AFF3: variants seen among roughly 807,000 people sequenced by gnomAD.
AFF3 encodes AF4/FMR2 family member 3.
A neutral mutation model predicts 129.7 loss-of-function variants in AFF3; 32 were observed. The observed-to-expected ratio is 0.25, with a 90% CI of 0.19 to 0.33. AFF3 has a LOEUF of 0.33. Among genes scored for constraint, AFF3 ranks in the 10% least tolerant of loss-of-function variants. AFF3 has a pLI of 1.00. For synonymous variants in AFF3, 644 were observed against 635.4 expected (o/e 1.01, Z -0.20); for missense variants, 1,373 against 1,592.0 (o/e 0.86, Z 2.34).
intron 10 of AFF3, among the ~76,000 whole-genome samples, chr2:99,741,410 T>A (rs1680709289): frequency 6.6e-6 from 1 of 152,106 alleles, no homozygotes; most frequent in South Asian, 2.1e-4. Flanking sequence ...TCACAAGCAT[T>A]CTTATACACC....
At chr2:99,838,862 C>T (rs1689095694) in intron 7 of AFF3, among the ~76,000 whole-genome samples, 1 of 152,238 alleles carries the variant, frequency 6.6e-6, no homozygotes, top group South Asian at 2.1e-4. Flanking sequence ...CCATCACACT[C>T]TCCATGCCCT....
chr2:99,933,661 C>T (rs1041102783), intron 7 of AFF3, among the ~76,000 whole-genome samples: 1 of 152,154 alleles, frequency 6.6e-6, no homozygotes. Context: ...CATGTCCCTG[C>T]AAAGGACATG....
chr2:99,828,254 ATGC>A (rs1286223021), intron 8 of AFF3, among the ~76,000 whole-genome samples: 1 of 152,210 alleles, frequency 6.6e-6, no homozygotes, highest in African/African-American at 2.4e-5. Context: ...CAAGTCAGTA[ATGC>A]TGGTGAACAT....
chr2:99,598,685 T>C lies in AFF3; in HGVS notation c.1371+2750A>G, dbSNP rs546535095. Among the ~76,000 whole-genome samples, 11 of 152,272 alleles carry C rather than the reference T, an allele frequency of 7.2e-5. 1 individual carries two copies. The South Asian group carries it at 2.3e-3, about 32-fold the overall frequency. ...TCTGCTTCAAAGCAGCACAAACTGGTCTGAGCAGCGGAATGTGAGGTGCAT... is the reference window on the plus strand; with the variant it reads ...TCTGCTTCAAAGCAGCACAAACTGGCCTGAGCAGCGGAATGTGAGGTGCAT... On this transcript the variant is annotated intron_variant, in intron 14 of 24. Transcript: ENST00000672756.
At chr2:100,112,738 G>A (rs191353508) in intron 2 of AFF3, among the ~76,000 whole-genome samples, 1 of 152,256 alleles carries the variant, frequency 6.6e-6, no homozygotes, top group African/African-American at 2.4e-5. Flanking sequence ...GTAGAAAGCA[G>A]GAGCCCAAGG....
chr2:99,994,197 T>C (rs916295982), intron 7 of AFF3, among the ~76,000 whole-genome samples: 14 of 152,134 alleles, frequency 9.2e-5, no homozygotes, highest in African/African-American at 3.4e-4. Flanking sequence ...AAATGCATAA[T>C]ACTGAGACAT....
At chr2:99,972,519 C>G (rs1324454124) in intron 7 of AFF3, among the ~76,000 whole-genome samples, 1 of 152,202 alleles carries the variant, frequency 6.6e-6, no homozygotes, top group African/African-American at 2.4e-5. Context: ...ATATTGCTTG[C>G]CTTTTCATCA....
At chr2:99,983,142 C>T (rs1267416092) in intron 7 of AFF3, among the ~76,000 whole-genome samples, 1 of 152,224 alleles carries the variant, frequency 6.6e-6, no homozygotes, top group Non-Finnish European at 1.5e-5. Context: ...TGAAATCTAA[C>T]TTCTGCTTAA....
rs145794363 is a variant in AFF3, at chr2:99,838,383, G to A, written c.874-859C>T. Among the ~76,000 whole-genome samples the A allele has an allele frequency of 4.5e-3, 685 of 152,272 alleles. 3 individuals carry two copies. Among genetic ancestry groups the A allele is most frequent in the African/African-American group, 0.016 (652 of 41,560 alleles). ...TCCTGGAATGAGGCTTTTCTCCACA[G>A]TCTCTTCTCCAAGGCCACTCTCCCT... is the stretch of plus-strand genomic sequence containing the variant. On this transcript the variant is annotated intron_variant, in intron 7 of 24. Coordinates refer to ENST00000672756, the MANE Select transcript of AFF3 (RefSeq NM_001386135.1).
chr2:99,952,132 G>A (rs1225007836), intron 7 of AFF3, among the ~76,000 whole-genome samples: 1 of 152,176 alleles, frequency 6.6e-6, no homozygotes, highest in Admixed American at 6.5e-5. Flanking sequence ...CAATGTTGGA[G>A]GTGGGGCCTG....
At chr2:99,991,096 C>G (rs1349106903) in intron 7 of AFF3, among the ~76,000 whole-genome samples, 3 of 152,146 alleles carry the variant, frequency 2.0e-5, no homozygotes, top group Non-Finnish European at 2.9e-5. Flanking sequence ...TGCTGCTCAC[C>G]TGCCCCTACC....
At chr2:99,692,949 C>T (rs1167754183) in intron 11 of AFF3, among the ~76,000 whole-genome samples, 1 of 152,260 alleles carries the variant, frequency 6.6e-6, no homozygotes, top group African/African-American at 2.4e-5. Flanking sequence ...TCTATCACAG[C>T]TCCTGTCACC....
Position 99,724,424 on chromosome 2 carries a change from C to T in AFF3, c.1091+2653G>A, listed in dbSNP as rs566421099. Among the ~76,000 whole-genome samples the T allele has an allele frequency of 5.0e-4, 76 of 151,948 alleles. No individual in the cohort carries two copies. The South Asian group carries it at 0.012, about 24-fold the overall frequency. On this transcript the variant is annotated intron_variant, in intron 11 of 24. Transcript: ENST00000672756. ...AGTAGCTGGGATTACAGGCGCATGC[C>T]ACCACACTCAGCTAATTTTTGTGTT...
At chr2:99,773,297 T>C (rs923707888) in intron 8 of AFF3, among the ~76,000 whole-genome samples, 1 of 152,222 alleles carries the variant, frequency 6.6e-6, no homozygotes, top group African/African-American at 2.4e-5. Context: ...AGCCAGGTGC[T>C]CATTAAAGAA....
intron 4 of AFF3, among the ~76,000 whole-genome samples, chr2:100,018,390 C>A (rs1683308192): frequency 6.6e-6 from 1 of 152,126 alleles, no homozygotes; most frequent in South Asian, 2.1e-4. Flanking sequence ...ATGACTGTTT[C>A]AAATCTCTCT....
chr2:99,944,963 T>C (rs1283467962), intron 7 of AFF3, among the ~76,000 whole-genome samples: 1 of 152,190 alleles, frequency 6.6e-6, no homozygotes, highest in African/African-American at 2.4e-5. Context: ...ACGTGAGTCT[T>C]TGAGTAGAAT....
At chr2:100,105,865 C>A (rs1359631349) in intron 2 of AFF3, 1 of 1,335,278 alleles carries the variant, frequency 7.5e-7, no homozygotes, top group African/African-American at 1.5e-5. Flanking sequence ...TGCCTCACCA[C>A]GCGAACCAAA....
intron 11 of AFF3, among the ~76,000 whole-genome samples, chr2:99,706,541 T>C (rs915488597): frequency 6.6e-6 from 1 of 152,188 alleles, no homozygotes; most frequent in African/African-American, 2.4e-5. Context: ...TAATGTAAAG[T>C]ATACAAAATT....
intron 4 of AFF3, among the ~76,000 whole-genome samples, chr2:100,033,391 C>G (rs1684667546): frequency 6.6e-6 from 1 of 152,192 alleles, no homozygotes; most frequent in Admixed American, 6.5e-5. Context: ...CTTATATGCA[C>G]ACATACACTC....
Sources: allele counts gnomAD v4.1 joint callset (sites outside exome capture counted in the v4.1 genomes callset), GRCh38; gene constraint gnomAD v4.1.1; transcripts MANE v1.5; gene names NCBI Gene and HGNC (gene_info 2026-07-23, HGNC 2026-07-21).